UVRAG: variants seen among roughly 807,000 people sequenced by gnomAD.
UVRAG encodes the protein UV radiation resistance associated, also known as UV radiation resistance-associated gene protein.
UVRAG carries 19 observed loss-of-function variants against 78.0 expected under a neutral mutation model. The ratio of observed to expected loss-of-function variants is 0.24; its 90% confidence interval spans 0.17 to 0.36. The LOEUF (loss-of-function observed/expected upper bound fraction) is 0.36. Among genes scored for constraint, UVRAG ranks in the 10% least tolerant of loss-of-function variants. The pLI is 1.00. For synonymous variants in UVRAG, 323 were observed against 324.6 expected, an observed-to-expected ratio of 1.00 and a Z score of 0.05; for missense variants, 740 against 853.8, an observed-to-expected ratio of 0.87 and a Z score of 1.66.
intron 4 of UVRAG, among the ~76,000 whole-genome samples, chr11:75,882,853 C>G (rs895591322): frequency 1.4e-4 from 21 of 152,080 alleles, no homozygotes; most frequent in Non-Finnish European, 2.8e-4. Flanking sequence ...TATATATGTT[C>G]TTTAAACTAC....
chr11:75,859,039 A>C (rs1024981793), intron 2 of UVRAG, among the ~76,000 whole-genome samples: 2 of 152,202 alleles, frequency 1.3e-5, no homozygotes, highest in African/African-American at 4.8e-5. Flanking sequence ...ATTTATATTT[A>C]ATGGTCTTTT....
At chr11:76,052,508 C>T (rs905566942) in intron 12 of UVRAG, among the ~76,000 whole-genome samples, 3 of 152,188 alleles carry the variant, frequency 2.0e-5, no homozygotes, top group Non-Finnish European at 4.4e-5. Flanking sequence ...GAACTCATAC[C>T]AGTCGGCCTT....
intron 5 of UVRAG, chr11:75,892,496 A>C: frequency 1.2e-4 from 94 of 784,078 alleles, no homozygotes; most frequent in East Asian, 2.5e-4. Flanking sequence ...TTTAAACCTC[A>C]CACTTGGCCT....
intron 12 of UVRAG, among the ~76,000 whole-genome samples, chr11:76,061,820 C>T (rs1029341496): frequency 6.6e-6 from 1 of 152,186 alleles, no homozygotes; most frequent in Non-Finnish European, 1.5e-5. Context: ...CAATTCCGGA[C>T]TCAAAATTAT....
intron 7 of UVRAG, among the ~76,000 whole-genome samples, chr11:75,982,589 C>T (rs1949415045): frequency 6.6e-6 from 1 of 152,086 alleles, no homozygotes; most frequent in African/African-American, 2.4e-5. Flanking sequence ...ACATGGGACT[C>T]GTTTGGTTAC....
At chr11:76,025,727 G>T (rs1950315122) in intron 12 of UVRAG, among the ~76,000 whole-genome samples, 1 of 152,144 alleles carries the variant, frequency 6.6e-6, no homozygotes, top group Non-Finnish European at 1.5e-5. Flanking sequence ...TAAAGAAATT[G>T]TGATGTGTTC....
At chr11:76,006,660 CAAAAA>C (rs762221601) in intron 9 of UVRAG, among the ~76,000 whole-genome samples, 3 of 62,368 alleles carry the variant, frequency 4.8e-5, no homozygotes, top group African/African-American at 1.5e-4. Context: ...GACCCCGTCT[CAAAAA>C]AAAAAAAAAA....
At chr11:76,087,075 C>T (rs898090132) in intron 13 of UVRAG, among the ~76,000 whole-genome samples, 1 of 152,218 alleles carries the variant, frequency 6.6e-6, no homozygotes, top group African/African-American at 2.4e-5. Flanking sequence ...ATCAACTTCA[C>T]TTGGAGATTT....
chr11:76,041,773 A>T (rs2134331704), intron 12 of UVRAG, among the ~76,000 whole-genome samples: 1 of 152,344 alleles, frequency 6.6e-6, no homozygotes, highest in Admixed American at 6.5e-5. Flanking sequence ...GTGGATATAA[A>T]CAGGCCTTAT....
Position 76,098,450 on chromosome 11 carries a change from G to C in UVRAG, c.1306-17474G>C, listed in dbSNP as rs572739366. Among the ~76,000 whole-genome samples, 4 of 152,230 alleles carry C rather than the reference G, an allele frequency of 2.6e-5. No individual in the cohort carries two copies. In the South Asian group the frequency reaches 8.3e-4, roughly 32 times the overall value. On this transcript the variant is annotated intron_variant, in intron 13 of 14. Coordinates refer to ENST00000356136, the MANE Select transcript of UVRAG (RefSeq NM_003369.4). ...CTCGCAAACCTAGATGCCAACCAAA[G>C]ACCCTTTCATTTTGTTGTTCCTTCT...
At chr11:75,829,956 C>T (rs941372598) in intron 1 of UVRAG, among the ~76,000 whole-genome samples, 24 of 152,300 alleles carry the variant, frequency 1.6e-4, no homozygotes, top group Admixed American at 3.3e-4. Context: ...TCTCGTGCCT[C>T]GGCCTCCCAC....
chr11:76,021,825 A>G (rs997317913), intron 12 of UVRAG, among the ~76,000 whole-genome samples: 6 of 152,230 alleles, frequency 3.9e-5, no homozygotes, highest in Non-Finnish European at 7.3e-5. Context: ...AGGCCAAGGC[A>G]GGCAGATACT....
At chr11:75,892,799 G>C (rs1947243525) in intron 5 of UVRAG, among the ~76,000 whole-genome samples, 1 of 152,142 alleles carries the variant, frequency 6.6e-6, no homozygotes, top group African/African-American at 2.4e-5. Context: ...AGAGTTTCCA[G>C]TCAAGATGAC....
intron 13 of UVRAG, among the ~76,000 whole-genome samples, chr11:76,078,017 AC>A (rs1391873269): frequency 2.0e-5 from 3 of 152,230 alleles, no homozygotes; most frequent in Admixed American, 6.5e-5. Flanking sequence ...TAAAGAATGT[AC>A]CTCAACTGAA....
At chr11:76,088,027 G>C (rs1010427363) in intron 13 of UVRAG, among the ~76,000 whole-genome samples, 1 of 152,226 alleles carries the variant, frequency 6.6e-6, no homozygotes, top group South Asian at 2.1e-4. Context: ...CTAGCCTCTC[G>C]AGTAGCCAGG....
intron 6 of UVRAG, among the ~76,000 whole-genome samples, chr11:75,956,669 A>G (rs1481722832): frequency 1.3e-5 from 2 of 152,172 alleles, no homozygotes; most frequent in Admixed American, 6.5e-5. Context: ...CAAGAACTGT[A>G]GTTACTTTTG....
At chr11:76,119,337 T>C (rs1565168837) in intron 14 of UVRAG, among the ~76,000 whole-genome samples, 1 of 152,148 alleles carries the variant, frequency 6.6e-6, no homozygotes, top group Non-Finnish European at 1.5e-5. Flanking sequence ...TCTCTTTTTT[T>C]CTTTCCTCCT....
intron 7 of UVRAG, among the ~76,000 whole-genome samples, chr11:75,976,270 A>G (rs1212934183): frequency 6.6e-6 from 1 of 152,186 alleles, no homozygotes; most frequent in Non-Finnish European, 1.5e-5. Flanking sequence ...TCAGTTTGCC[A>G]GTGTTTTACT....
In UVRAG at chr11:76,115,905, T is replaced by C. The variant is rs149201763; in HGVS notation, c.1306-19T>C. The C allele has an allele frequency of 1.9e-6, 3 of 1,612,202 alleles. No homozygotes were observed. The East Asian group carries it at 6.7e-5, about 36-fold the overall frequency. On this transcript the variant is annotated intron_variant, in intron 13 of 14. Coordinates refer to ENST00000356136, the MANE Select transcript of UVRAG (RefSeq NM_003369.4). Reference sequence around the variant, plus strand: ...TAATCTGCCAAAATATCTTTAATTCTATTTTTTCACCTTCACAGCTAAGAT... The same window carrying C: ...TAATCTGCCAAAATATCTTTAATTCCATTTTTTCACCTTCACAGCTAAGAT...
Sources: gnomAD v4.1 joint callset for allele counts (sites outside exome capture counted in the v4.1 genomes callset) on GRCh38, gnomAD v4.1.1 for gene constraint, MANE v1.5 for transcripts, NCBI Gene and HGNC (gene_info 2026-07-23, HGNC 2026-07-21) for gene names.